The following MYH4 variants were observed in gnomAD, a reference collection of about 807,000 sequenced individuals.
The protein encoded by MYH4 is myosin heavy chain 4.
In MYH4, 200 loss-of-function variants were observed where a neutral mutation model predicts 229.9. The observed-to-expected ratio is 0.87, with a 90% confidence interval of 0.78 to 0.98. MYH4 has a LOEUF of 0.98. MYH4 is among the 50% of genes least tolerant of loss of function. The pLI is 0.00. For synonymous variants in MYH4, 761 were observed against 834.6 expected, an observed-to-expected ratio of 0.91 and a Z score of 1.52; for missense variants, 2,148 against 2,332.6, an observed-to-expected ratio of 0.92 and a Z score of 1.63.
rs759643479 is a variant in MYH4, at chr17:10,450,905, A to G, written c.3866-10T>C. On this transcript the variant is annotated splice_polypyrimidine_tract_variant and intron_variant, in intron 28 of 39. Transcript: ENST00000255381. Reference sequence around the variant, plus strand: ...TGTCGTGAAAACTCACCTGTGGAAGACAAAACATCAATGATTTAGTTCTGT... The same window carrying G: ...TGTCGTGAAAACTCACCTGTGGAAGGCAAAACATCAATGATTTAGTTCTGT... The G allele has an allele frequency of 1.3e-6, 2 of 1,581,472 alleles. No individual in the cohort carries two copies. The highest frequency in any genetic ancestry group is 1.7e-6 in the Non-Finnish European group (2 of 1,150,746).
intron 7 of MYH4, 54 bp downstream of exon 7, chr17:10,464,418 C>T (rs954898898): frequency 2.1e-5 from 31 of 1,450,350 alleles, no homozygotes; most frequent in African/African-American, 4.2e-5. Flanking sequence ...TTGATGTGCA[C>T]GTGGTTAGAT....
At position 10,447,132 on chromosome 17, in the gene MYH4, G is replaced by T; in HGVS notation, c.5050C>A (p.Leu1684Met). Residue 1684 changes from leucine to methionine, a missense_variant, in exon 35 of 40, where the codon CTG becomes ATG. By Grantham distance (15) the Leu-to-Met change is conservative. Coordinates refer to ENST00000255381, the MANE Select transcript of MYH4 (RefSeq NM_017533.2). ...QLAMVERRAN[L>M]MQAEVEELRA... is the part of the protein sequence containing the mutation. ...AGCTCTTCAACTTCAGCCTGCATCAGGTTAGCTCTGCGCTCAACCATTGCC... is the reference window on the plus strand; with the variant it reads ...AGCTCTTCAACTTCAGCCTGCATCATGTTAGCTCTGCGCTCAACCATTGCC... 1.9e-6 allele frequency: 3 copies of T among 1,614,096 alleles called. No individual in the cohort carries two copies. The highest frequency in any genetic ancestry group is 2.5e-6 in the Non-Finnish European group (3 of 1,180,016).
intron 16 of MYH4, 31 bp from the exon 17 acceptor site, chr17:10,456,586 T>C (rs1280005730): frequency 6.3e-7 from 1 of 1,580,958 alleles, no homozygotes; most frequent in Admixed American, 1.7e-5. Context: ...AATAAAGTTA[T>C]TTGCAACTGC....
rs1335352466 is a variant in MYH4, at chr17:10,448,897, T to A, written c.4332A>T (p.Ile1444=). Residue 1444 remains isoleucine, a synonymous_variant, in exon 31 of 40, where the codon ATA becomes ATT. Coordinates refer to ENST00000255381, the MANE Select transcript of MYH4 (RefSeq NM_017533.2). ...AGTTTCTTTGCTTCTTATCGAGAGC[T>A]ATGCAGGCAGCATTAGATCGTTCCA... ...IDVERSNAAC[I]ALDKKQRNFD... is the part of the protein sequence containing the mutation. The A allele has an allele frequency of 1.2e-6, 2 of 1,614,066 alleles. No homozygotes were observed. Among genetic ancestry groups the A allele is most frequent in the Admixed American group, 3.3e-5 (2 of 60,004 alleles).
At chr17:10,453,496 G>A in intron 23 of MYH4, 147 bp downstream of exon 23, 1 of 1,540,342 alleles carries the variant, frequency 6.5e-7, no homozygotes, top group Non-Finnish European at 8.8e-7. Context: ...GGTCAAGTAA[G>A]TACATTGAGG....
At chr17:10,444,295 T>C (rs983354454) in intron 39 of MYH4, among the ~76,000 whole-genome samples, 6 of 152,160 alleles carry the variant, frequency 3.9e-5, no homozygotes, top group African/African-American at 1.4e-4. Context: ...CATACTCTCA[T>C]TTGCACAGGT....
At chr17:10,446,883 G>T in intron 35 of MYH4, 130 bp downstream of exon 35, 1 of 873,816 alleles carries the variant, frequency 1.1e-6, no homozygotes. Context: ...AATCCTTACA[G>T]CACCCTGTAC....
At chr17:10,448,180 A>G (rs111655920) in intron 33 of MYH4, 54 bp from the exon 34 acceptor site, 1 of 1,497,406 alleles carries the variant, frequency 6.7e-7, no homozygotes, top group African/African-American at 1.4e-5. Flanking sequence ...TATTTCTTTC[A>G]CATTATGATA....
chr17:10,457,048 G>T, intron 16 of MYH4, among the ~76,000 whole-genome samples: 1 of 152,218 alleles, frequency 6.6e-6, no homozygotes, highest in East Asian at 1.9e-4. Context: ...CAGAACTTCA[G>T]TTCCCCAAGC....
chr17:10,445,173 A>G (rs2072498158), intron 36 of MYH4, 27 bp from the exon 37 acceptor site: 2 of 1,614,196 alleles, frequency 1.2e-6, no homozygotes, highest in Middle Eastern at 1.6e-4. Context: ...TTTTGAAAAT[A>G]ATGAATTCTG....
At position 10,448,093 on chromosome 17, in the gene MYH4, G is replaced by C. The variant is rs149046569; in HGVS notation, c.4690C>G (p.Arg1564Gly). The change falls in exon 34 of 40, where the codon CGC becomes GGC. Residue 1564 changes from arginine to glycine, a missense_variant. Coordinates refer to ENST00000255381, the MANE Select transcript of MYH4 (RefSeq NM_017533.2). The part of the protein sequence containing the change: ...SLEHEEGKIL[R>G]IQLELNQVKS... ...ACCTGATTTAGCTCAAGTTGAATGC[G>C]AAGAATTTTGCCTTCTTCATGCTCA... is the stretch of plus-strand genomic sequence containing the variant. 6.2e-7 allele frequency: 1 copy of C among 1,613,652 alleles called. No individual in the cohort carries two copies. The highest frequency in any genetic ancestry group is 8.5e-7 in the Non-Finnish European group (1 of 1,179,848).
rs1248638836 is a variant in MYH4, at chr17:10,455,010, A to T, written c.2366T>A (p.Ile789Asn). Residue 789 changes from isoleucine to asparagine, a missense_variant, in exon 21 of 40, where the codon ATC becomes AAC. Transcript: ENST00000255381. ...EMRDEKLAQL[I>N]TRTQAICRGF... ...TCTGCATATGGCTTGAGTGCGCGTG[A>T]TGAGTTGAGCTAGCTTTTCATCTCG... The T allele has an allele frequency of 6.2e-7, 1 of 1,614,206 alleles. No individual in the cohort carries two copies. The highest frequency in any genetic ancestry group is 2.2e-5 in the East Asian group (1 of 44,880).
intron 28 of MYH4, 146 bp from the exon 29 acceptor site, chr17:10,451,041 CT>C: frequency 1.2e-6 from 1 of 858,590 alleles, no homozygotes; most frequent in Non-Finnish European, 1.8e-6. Flanking sequence ...TTATTTCTTG[CT>C]TTTTAAAAAA....
chr17:10,454,404 G>T, intron 22 of MYH4, 151 bp downstream of exon 22: 2 of 1,000,044 alleles, frequency 2.0e-6, no homozygotes, highest in African/African-American at 1.6e-5. Context: ...TGTGCAGCAT[G>T]ATATGTGACT....
rs781710090 is a variant in MYH4 at position 10,463,129 on chromosome 17, A to C, written c.865T>G (p.Phe289Val). Residue 289 changes from phenylalanine (F) to valine (V), a missense_variant, in exon 10 of 40, where the codon TTT becomes GTT. Phe to Val is a conservative substitution (Grantham distance 50). Transcript: ENST00000255381. ...QLKAERSYHIFYQILSNKKPE... is the reference protein window; with the variant it reads ...QLKAERSYHIVYQILSNKKPE... ...TTCTTATTGGACAGGATTTGATAAA[A>C]TATGTGGTAGCTTCTTTCAGCCTTT... 2 of 1,613,692 alleles carry C rather than the reference A, an allele frequency of 1.2e-6. No homozygotes were observed. The highest frequency in any genetic ancestry group is 3.3e-5 in the Admixed American group (2 of 60,026).
At position 10,454,450 on chromosome 17, in the gene MYH4, G is replaced by A; in HGVS notation, c.2691+105C>T. The stretch of plus-strand genomic sequence containing the variant: ...TGCTTCTTTATGCCCGAGTCTTGGT[G>A]TTTTTGAACAGCAAACAATCAGAAC... On this transcript the variant is annotated intron_variant, in intron 22 of 39. Coordinates refer to ENST00000255381, the MANE Select transcript of MYH4 (RefSeq NM_017533.2). The A allele has an allele frequency of 5.5e-6, 8 of 1,458,770 alleles. No individual in the cohort carries two copies. The South Asian group carries it at 9.7e-5, about 18-fold the overall frequency. 90.4% of individuals were successfully genotyped at this position (1,458,770 alleles called of 1,614,324 possible).
rs752855160 is a variant in MYH4, at chr17:10,453,702, C to T, written c.2875G>A (p.Asp959Asn). 1.3e-5 allele frequency: 21 copies of T among 1,614,088 alleles called. No individual in the cohort carries two copies. Among genetic ancestry groups the T allele is most frequent in the Non-Finnish European group, 1.8e-5 (21 of 1,180,010 alleles). ...DECSELKKDI[D>N]DLELTLAKVE... The stretch of plus-strand genomic sequence containing the variant: ...TTGGCCAGTGTCAGCTCAAGGTCAT[C>T]AATGTCTTTCTTGAGCTCTGAACAT... Residue 959 changes from aspartate to asparagine, a missense_variant, in exon 23 of 40, where the codon GAT (aspartate) becomes AAT (asparagine). Coordinates refer to ENST00000255381, the MANE Select transcript of MYH4 (RefSeq NM_017533.2).
Position 10,447,936 on chromosome 17 carries a change from A to C in MYH4, c.4847T>G (p.Leu1616Arg). ...DAEIRSRNDA[L>R]RIKKKMEGDL... The stretch of plus-strand genomic sequence containing the variant: ...TCCCTCCATCTTCTTCTTGATCCTC[A>C]GAGCATCATTTCTGCTCCTGATCTC... The change falls in exon 34 of 40, where the codon CTG becomes CGG. Residue 1616 changes from leucine to arginine, a missense_variant. Transcript: ENST00000255381. 6.2e-7 allele frequency: 1 copy of C among 1,613,978 alleles called. No homozygotes were observed. Among genetic ancestry groups the C allele is most frequent in the Non-Finnish European group, 8.5e-7 (1 of 1,179,956 alleles).
At position 10,452,516 on chromosome 17, in the gene MYH4, G is replaced by C; in HGVS notation, c.3258-10C>G. 1 of 1,611,480 alleles carries C rather than the reference G, an allele frequency of 6.2e-7. No individual in the cohort carries two copies. The highest frequency in any genetic ancestry group is 8.5e-7 in the Non-Finnish European group (1 of 1,178,092). ...CATTTCAAACTCTTTCCTATTAGAA[G>C]AGCAACACATTAGCTTATAATCACT... is the stretch of plus-strand genomic sequence containing the variant. On this transcript the variant is annotated splice_polypyrimidine_tract_variant and intron_variant, in intron 25 of 39. Coordinates refer to ENST00000255381, the MANE Select transcript of MYH4 (RefSeq NM_017533.2).
Sources: allele counts gnomAD v4.1 joint callset (sites outside exome capture counted in the v4.1 genomes callset), GRCh38; gene constraint gnomAD v4.1.1; transcripts MANE v1.5; gene names NCBI Gene and HGNC (gene_info 2026-07-23, HGNC 2026-07-21).